The following ASIC2 variants were observed in gnomAD, a reference collection of about 807,000 sequenced individuals.
The protein encoded by ASIC2 is acid sensing ion channel subunit 2.
ASIC2 carries 25 observed loss-of-function variants against 57.3 expected under a neutral mutation model. The observed-to-expected ratio is 0.44, with a 90% CI of 0.32 to 0.61. The LOEUF is 0.61. ASIC2 is among the 20% of genes least tolerant of loss of function. ASIC2 has a pLI of 0.06. For missense variants in ASIC2, 641 were observed against 738.1 expected (o/e 0.87, Z 1.52); for synonymous variants, 319 against 307.5 (o/e 1.04, Z -0.39).
At chr17:33,320,933 G>A (rs1391208221) in intron 1 of ASIC2, among the ~76,000 whole-genome samples, 1 of 152,150 alleles carries the variant, frequency 6.6e-6, no homozygotes, top group African/African-American at 2.4e-5. Context: ...CGTTCTTACT[G>A]TTGTATAGTA....
At chr17:33,089,084 C>T (rs1276048245) in intron 2 of ASIC2, 94 bp from the exon 3 acceptor site, 3 of 1,523,714 alleles carry the variant, frequency 2.0e-6, no homozygotes, top group Admixed American at 3.8e-5. Context: ...GCTGAAAAGA[C>T]CCTGTGATAA....
chr17:33,316,485 G>A (rs539933110), intron 1 of ASIC2, among the ~76,000 whole-genome samples: 82 of 152,158 alleles, frequency 5.4e-4, no homozygotes, highest in African/African-American at 1.9e-3. Flanking sequence ...ATGAGGTTTC[G>A]CCATGTTGGC....
At position 33,854,684 on chromosome 17, in the gene ASIC2, T is replaced by G. The variant is rs75787271; in HGVS notation, c.555+301294A>C. The stretch of plus-strand genomic sequence containing the variant: ...TGTCTAAGCTGTGCCAACCTGCACA[T>G]TTGGGTGAGTGGCCCCTGTGGATTG... On this transcript the variant is annotated intron_variant, in intron 1 of 9. Coordinates refer to the ASIC2 transcript ENST00000359872. Among the ~76,000 whole-genome samples, 602 of 152,204 alleles carry G rather than the reference T, an allele frequency of 4.0e-3. 6 individuals are homozygous for G. The highest frequency in any genetic ancestry group is 0.021 in the South Asian group (100 of 4,822).
At chr17:33,908,212 C>T (rs985383385) in intron 1 of ASIC2, among the ~76,000 whole-genome samples, 6 of 152,190 alleles carry the variant, frequency 3.9e-5, no homozygotes, top group African/African-American at 1.4e-4. Context: ...GGGCAGTAGG[C>T]CACATGGTAT....
chr17:33,045,643 C>CGG (rs2091951324), intron 3 of ASIC2, among the ~76,000 whole-genome samples: 3 of 152,038 alleles, frequency 2.0e-5, no homozygotes, highest in African/African-American at 7.2e-5. Flanking sequence ...AGGGTCATGG[C>CGG]GGGGGCCACC....
intron 1 of ASIC2, among the ~76,000 whole-genome samples, chr17:33,129,693 T>C (rs532180426): frequency 1.5e-3 from 223 of 152,292 alleles, no homozygotes; most frequent in Non-Finnish European, 2.5e-3. Context: ...TGAATGTGTG[T>C]TCTGAGCTAG....
intron 1 of ASIC2, among the ~76,000 whole-genome samples, chr17:33,668,179 C>G (rs1258791794): frequency 6.6e-6 from 1 of 152,042 alleles, no homozygotes; most frequent in African/African-American, 2.4e-5. Context: ...ATTGCTCCCC[C>G]TGCCTGGAGA....
intron 3 of ASIC2, among the ~76,000 whole-genome samples, chr17:33,057,055 A>C (rs1239956175): frequency 6.6e-6 from 1 of 152,144 alleles, no homozygotes; most frequent in African/African-American, 2.4e-5. Context: ...AGGGAATGGA[A>C]GCCACAGCAG....
At chr17:33,094,611 T>C (rs907923077) in intron 2 of ASIC2, among the ~76,000 whole-genome samples, 3 of 152,200 alleles carry the variant, frequency 2.0e-5, no homozygotes, top group Non-Finnish European at 4.4e-5. Context: ...GAGTCCCCTC[T>C]GTGGTACCAC....
At chr17:33,733,653 G>A (rs1909816395) in intron 1 of ASIC2, among the ~76,000 whole-genome samples, 2 of 152,246 alleles carry the variant, frequency 1.3e-5, no homozygotes, top group South Asian at 4.1e-4. Flanking sequence ...ATCAACAAAA[G>A]GGGCTAATTA....
At chr17:33,702,931 AC>A (rs1466330833) in intron 1 of ASIC2, among the ~76,000 whole-genome samples, 1 of 152,208 alleles carries the variant, frequency 6.6e-6, no homozygotes, top group Admixed American at 6.5e-5. Flanking sequence ...GACTAAACAA[AC>A]AATATCAGAT....
chr17:33,352,427 G>A (rs1908222457), intron 1 of ASIC2, among the ~76,000 whole-genome samples: 1 of 152,132 alleles, frequency 6.6e-6, no homozygotes, highest in African/African-American at 2.4e-5. Flanking sequence ...TTCTTACCTT[G>A]TGCTTGCACC....
At position 33,630,912 on chromosome 17, in the gene ASIC2, G is replaced by C. The variant is rs569381062; in HGVS notation, c.556-518845C>G. Among the ~76,000 whole-genome samples, 10 of 152,250 alleles carry C rather than the reference G, an allele frequency of 6.6e-5. No homozygotes were observed. The South Asian group carries it at 1.9e-3, about 28-fold the overall frequency. ...CTATACACAAAAGTATAAAATTAAG[G>C]ACTGACATGCAAAGTCCTATCTCAC... On this transcript the variant is annotated intron_variant, in intron 1 of 9. Coordinates refer to the ASIC2 transcript ENST00000359872.
chr17:33,621,330 A>G (rs1378467892), intron 1 of ASIC2, among the ~76,000 whole-genome samples: 1 of 152,264 alleles, frequency 6.6e-6, no homozygotes, highest in African/African-American at 2.4e-5. Flanking sequence ...TGTAGTAGCC[A>G]GTCAGTAAAT....
intron 1 of ASIC2, among the ~76,000 whole-genome samples, chr17:34,127,849 G>C (rs143827010): frequency 6.6e-6 from 1 of 152,304 alleles, no homozygotes; most frequent in East Asian, 1.9e-4. Context: ...CCCTGGACTG[G>C]CACTGGCTCA....
intron 1 of ASIC2, among the ~76,000 whole-genome samples, chr17:34,036,307 A>G (rs1051374385): frequency 2.1e-5 from 3 of 142,838 alleles, no homozygotes; most frequent in Non-Finnish European, 4.5e-5. Context: ...TCACTCATAG[A>G]TGGGAATTGA....
At chr17:34,108,178 G>A (rs1055229524) in intron 1 of ASIC2, among the ~76,000 whole-genome samples, 2 of 152,098 alleles carry the variant, frequency 1.3e-5, no homozygotes, top group Non-Finnish European at 2.9e-5. Flanking sequence ...ACTCCATTGA[G>A]TGACTGTGCC....
rs1904732743 is a variant in ASIC2 at position 34,156,600 on chromosome 17, C to T, written c.-68G>A. ...ATTTCAGAGAAGAGCTCCCAGTCCT[C>T]GGGCTCTGCTTAAACCTTGACGTTC... On this transcript the variant is annotated 5_prime_UTR_variant, in exon 1 of 10. Transcript: ENST00000359872. The surrounding 1 kb of genome is among the most constrained non-coding windows in gnomAD (Gnocchi z 4.4). 2 of 1,480,048 alleles carry T rather than the reference C, an allele frequency of 1.4e-6. No individual in the cohort carries two copies. Among genetic ancestry groups the T allele is most frequent in the Non-Finnish European group, 1.8e-6 (2 of 1,102,636 alleles). The allele number at this position is 1,480,048 out of a possible 1,614,324, so 91.7% of individuals were successfully genotyped here.
chr17:33,803,583 T>C (rs960547851), intron 1 of ASIC2, among the ~76,000 whole-genome samples: 1 of 149,578 alleles, frequency 6.7e-6, no homozygotes, highest in African/African-American at 2.5e-5. Context: ...ACATTTCCCT[T>C]TTCTTTTTTT....
Sources: gnomAD v4.1 joint callset for allele counts (sites outside exome capture counted in the v4.1 genomes callset) on GRCh38, gnomAD v4.1.1 for gene constraint, Gnocchi (gnomAD v3.1) non-coding constraint, MANE v1.5 for transcripts, NCBI Gene and HGNC (gene_info 2026-07-23, HGNC 2026-07-21) for gene names.